The following MYT1L variants were observed in gnomAD, a reference collection of about 807,000 sequenced individuals.
The protein encoded by MYT1L is myelin transcription factor 1 like.
A neutral mutation model predicts 126.7 loss-of-function variants in MYT1L; 12 were observed. The ratio of observed to expected loss-of-function variants is 0.09; its 90% CI spans 0.06 to 0.15. The LOEUF is 0.15. Among genes scored for constraint, MYT1L ranks in the 10% least tolerant of loss-of-function variants. The pLI is 1.00. For synonymous variants in MYT1L, 541 were observed against 604.2 expected (o/e 0.90, Z 1.53); for missense variants, 979 against 1,585.2 (o/e 0.62, Z 6.49).
At chr2:2,113,952 G>C (rs1396324835) in intron 3 of MYT1L, among the ~76,000 whole-genome samples, 1 of 151,578 alleles carries the variant, frequency 6.6e-6, no homozygotes, top group Non-Finnish European at 1.5e-5. Context: ...TACACAGATA[G>C]GAAAATAGTT....
intron 2 of MYT1L, among the ~76,000 whole-genome samples, chr2:2,191,269 A>T (rs1174854465): frequency 6.6e-6 from 1 of 152,206 alleles, no homozygotes; most frequent in African/African-American, 2.4e-5. Flanking sequence ...GATCCCTCTT[A>T]GGGCCAATGG....
At chr2:2,114,803 GCA>G (rs1178020620) in intron 3 of MYT1L, among the ~76,000 whole-genome samples, 1 of 152,204 alleles carries the variant, frequency 6.6e-6, no homozygotes, top group African/African-American at 2.4e-5. Flanking sequence ...TCTTTGAAAT[GCA>G]GCTCAACTGC....
At chr2:2,185,117 T>C (rs2091977590) in intron 2 of MYT1L, among the ~76,000 whole-genome samples, 1 of 152,158 alleles carries the variant, frequency 6.6e-6, no homozygotes, top group Non-Finnish European at 1.5e-5. Context: ...AACTCTTCCA[T>C]ATCCATCCAA....
chr2:1,878,559 C>T (rs2047198319), intron 18 of MYT1L, among the ~76,000 whole-genome samples: 1 of 152,112 alleles, frequency 6.6e-6, no homozygotes, highest in Non-Finnish European at 1.5e-5. Context: ...TGTACACCTG[C>T]TTGGTGTATG....
intron 2 of MYT1L, among the ~76,000 whole-genome samples, chr2:2,252,254 C>T (rs1350240063): frequency 1.3e-5 from 2 of 152,128 alleles, no homozygotes; most frequent in South Asian, 2.1e-4. Context: ...CTGTTTGTCC[C>T]GACTACCCTT....
At chr2:2,219,734 G>A (rs972697738) in intron 2 of MYT1L, among the ~76,000 whole-genome samples, 4 of 152,216 alleles carry the variant, frequency 2.6e-5, no homozygotes, top group African/African-American at 9.7e-5. Flanking sequence ...CGGAATGTGA[G>A]GTCCTGTTCC....
chr2:1,907,558 A>T (rs1420642709), intron 13 of MYT1L, among the ~76,000 whole-genome samples: 1 of 152,124 alleles, frequency 6.6e-6, no homozygotes, highest in Non-Finnish European at 1.5e-5. Flanking sequence ...GTAGGAGGGG[A>T]GGAGAGGCTT....
At chr2:1,809,458 C>A (rs1186944592) in intron 21 of MYT1L, among the ~76,000 whole-genome samples, 2 of 152,150 alleles carry the variant, frequency 1.3e-5, no homozygotes, top group African/African-American at 4.8e-5. Flanking sequence ...CAGAGGAAAT[C>A]TGCCCTTCAT....
chr2:2,004,765 TAC>T (rs1558702724), intron 4 of MYT1L, among the ~76,000 whole-genome samples: 17 of 78,402 alleles, frequency 2.2e-4, no homozygotes, highest in African/African-American at 1.3e-3. Context: ...CTTTCCTGAA[TAC>T]GTTCTTTCCT....
In MYT1L at chr2:1,941,337, A is replaced by T. The variant is rs142005687; in HGVS notation, c.505+1645T>A. On this transcript the variant is annotated intron_variant, in intron 9 of 24. Coordinates refer to ENST00000647738, the MANE Select transcript of MYT1L (RefSeq NM_001303052.2). ...ACGGGTGAGAACGTGAAAGAGCCAC[A>T]TTGTATACCATCTTTCTAGTAAGCC... Among the ~76,000 whole-genome samples, 1,053 of 152,320 alleles carry T rather than the reference A, an allele frequency of 6.9e-3. 19 individuals are homozygous for T. Among genetic ancestry groups the T allele is most frequent in the Non-Finnish European group, 8.8e-3 (597 of 68,026 alleles).
intron 8 of MYT1L, among the ~76,000 whole-genome samples, chr2:1,976,221 A>G (rs2060172548): frequency 6.6e-6 from 1 of 152,078 alleles, no homozygotes; most frequent in Admixed American, 6.5e-5. Context: ...TATTCCCATC[A>G]GGAACCTGAC....
At chr2:2,241,669 G>A (rs965708826) in intron 2 of MYT1L, among the ~76,000 whole-genome samples, 1 of 152,296 alleles carries the variant, frequency 6.6e-6, no homozygotes, top group East Asian at 1.9e-4. Context: ...CAAGATATAT[G>A]TATAGGAGCA....
At chr2:2,117,792 T>G (rs2080418395) in intron 3 of MYT1L, among the ~76,000 whole-genome samples, 1 of 151,762 alleles carries the variant, frequency 6.6e-6, no homozygotes. Context: ...TAGATAGCAA[T>G]GAGGAAGCTG....
chr2:1,830,541 C>T (rs543318993), intron 21 of MYT1L, among the ~76,000 whole-genome samples: 14 of 151,446 alleles, frequency 9.2e-5, no homozygotes, highest in Middle Eastern at 3.4e-3. Flanking sequence ...TCTCGGCACC[C>T]GGAAGGGCTC....
At chr2:2,168,754 G>A (rs1428739641) in intron 3 of MYT1L, among the ~76,000 whole-genome samples, 1 of 152,142 alleles carries the variant, frequency 6.6e-6, no homozygotes, top group Admixed American at 6.5e-5. Context: ...CAGTGTTCTC[G>A]GTTGTTTGTG....
chr2:2,256,271 A>G (rs1411957434), intron 2 of MYT1L, among the ~76,000 whole-genome samples: 1 of 152,236 alleles, frequency 6.6e-6, no homozygotes, highest in East Asian at 1.9e-4. Flanking sequence ...TTGAAAGGCC[A>G]CACCTGAAAG....
At chr2:1,905,642 C>CTT (rs2050953650) in intron 13 of MYT1L, among the ~76,000 whole-genome samples, 1 of 152,170 alleles carries the variant, frequency 6.6e-6, no homozygotes. Flanking sequence ...GCGCCAGCAA[C>CTT]CACACCTGGA....
At chr2:2,317,893 C>T (rs531035703) in intron 1 of MYT1L, among the ~76,000 whole-genome samples, 1 of 152,246 alleles carries the variant, frequency 6.6e-6, no homozygotes, top group Admixed American at 6.5e-5. Context: ...AAGAGGGACT[C>T]TAATGCAAGC....
chr2:2,179,275 C>A (rs182086026), intron 2 of MYT1L, among the ~76,000 whole-genome samples: 34 of 152,300 alleles, frequency 2.2e-4, no homozygotes, highest in Non-Finnish European at 3.4e-4. Flanking sequence ...GGCAAATGCC[C>A]AGATAAATCC....
Sources: gnomAD v4.1 joint callset for allele counts (sites outside exome capture counted in the v4.1 genomes callset) on GRCh38, gnomAD v4.1.1 for gene constraint, MANE v1.5 for transcripts, NCBI Gene and HGNC (gene_info 2026-07-23, HGNC 2026-07-21) for gene names.